NHSL1: variants seen among roughly 807,000 people sequenced by gnomAD.
The protein encoded by NHSL1 is NHS-like protein 1.
NHSL1 carries 48 observed loss-of-function variants against 95.0 expected under a neutral mutation model. The observed-to-expected ratio is 0.51, with a 90% CI of 0.40 to 0.64. The LOEUF (loss-of-function observed/expected upper bound fraction) is 0.64. Ranked by LOEUF, NHSL1 falls within the 30% of genes least tolerant of loss-of-function variation. The pLI, the probability that NHSL1 is intolerant of heterozygous loss-of-function variation, is 0.00. For missense variants in NHSL1, 1,971 were observed against 2,077.7 expected (o/e 0.95, Z 1.00); for synonymous variants, 783 against 833.9 (o/e 0.94, Z 1.05).
At chr6:138,665,506 T>C (rs1165315259) in intron 1 of NHSL1, among the ~76,000 whole-genome samples, 1 of 152,162 alleles carries the variant, frequency 6.6e-6, no homozygotes, top group Admixed American at 6.5e-5. Flanking sequence ...AGCCTGTCCT[T>C]TGCACTTTAC....
intron 1 of NHSL1, among the ~76,000 whole-genome samples, chr6:138,586,064 C>T (rs1784130827): frequency 6.6e-6 from 1 of 150,974 alleles, no homozygotes; most frequent in African/African-American, 2.4e-5. Context: ...AAAACAAAAA[C>T]AAATAAATAA....
chr6:138,553,394 G>T (rs1437779320), intron 1 of NHSL1, among the ~76,000 whole-genome samples: 1 of 152,126 alleles, frequency 6.6e-6, no homozygotes, highest in Non-Finnish European at 1.5e-5. Context: ...CTTGCACCAT[G>T]TCCCATGGCA....
At chr6:138,651,564 T>C (rs1190193672) in intron 1 of NHSL1, among the ~76,000 whole-genome samples, 1 of 152,226 alleles carries the variant, frequency 6.6e-6, no homozygotes, top group East Asian at 1.9e-4. Flanking sequence ...GCAGCTTCTT[T>C]AGACGGAAGG....
chr6:138,522,752 A>G (rs1384870369), intron 1 of NHSL1, among the ~76,000 whole-genome samples: 1 of 152,198 alleles, frequency 6.6e-6, no homozygotes, highest in Admixed American at 6.5e-5. Context: ...CTGAGGCTGC[A>G]GTGAGCCGTG....
At chr6:138,670,437 C>A (rs1583474045) in intron 1 of NHSL1, among the ~76,000 whole-genome samples, 1 of 150,776 alleles carries the variant, frequency 6.6e-6, no homozygotes, top group African/African-American at 2.4e-5. Flanking sequence ...GAGGCCGAGG[C>A]GGGCGGATCA....
chr6:138,462,801 G>A (rs1353108687), intron 3 of NHSL1, among the ~76,000 whole-genome samples: 1 of 152,178 alleles, frequency 6.6e-6, no homozygotes, highest in Non-Finnish European at 1.5e-5. Context: ...TGCAAAGCAG[G>A]GAAAAGGTGG....
intron 2 of NHSL1, among the ~76,000 whole-genome samples, chr6:138,489,418 T>C (rs1228717795): frequency 6.6e-6 from 1 of 151,902 alleles, no homozygotes; most frequent in African/African-American, 2.4e-5. Context: ...AAAGTCAGGA[T>C]TGGAATTTAG....
At chr6:138,562,955 G>A (rs1392551683) in intron 1 of NHSL1, among the ~76,000 whole-genome samples, 1 of 152,178 alleles carries the variant, frequency 6.6e-6, no homozygotes, top group Non-Finnish European at 1.5e-5. Flanking sequence ...TCTAGGAGAA[G>A]TATGAAGTGC....
intron 3 of NHSL1, among the ~76,000 whole-genome samples, chr6:138,463,222 A>G (rs1300313851): frequency 1.3e-5 from 2 of 152,036 alleles, no homozygotes; most frequent in Non-Finnish European, 2.9e-5. Context: ...TCCACTCTCT[A>G]TGGTCTAATT....
intron 3 of NHSL1, among the ~76,000 whole-genome samples, chr6:138,451,863 T>C (rs537312729): frequency 6.6e-6 from 1 of 152,158 alleles, no homozygotes; most frequent in Non-Finnish European, 1.5e-5. Context: ...TAAATAAGAA[T>C]GAAACCTTTT....
chr6:138,641,607 A>G (rs1309925772), intron 1 of NHSL1, among the ~76,000 whole-genome samples: 2 of 133,356 alleles, frequency 1.5e-5, no homozygotes, highest in Admixed American at 1.7e-4. Flanking sequence ...TGGGTGACAG[A>G]GTGAGACTCC....
intron 1 of NHSL1, among the ~76,000 whole-genome samples, chr6:138,655,171 T>C (rs1785141008): frequency 6.6e-6 from 1 of 151,698 alleles, no homozygotes; most frequent in Non-Finnish European, 1.5e-5. Context: ...TAAAGTCCCT[T>C]TTCCTTCCTC....
intron 1 of NHSL1, among the ~76,000 whole-genome samples, chr6:138,508,024 T>C (rs1414007691): frequency 2.0e-5 from 3 of 152,234 alleles, no homozygotes; most frequent in Non-Finnish European, 4.4e-5. Flanking sequence ...CTGTAGATCC[T>C]AGTTAATAAT....
At chr6:138,637,031 C>T (rs1170999165) in intron 1 of NHSL1, among the ~76,000 whole-genome samples, 1 of 152,020 alleles carries the variant, frequency 6.6e-6, no homozygotes, top group East Asian at 1.9e-4. Flanking sequence ...GTAATCAAAA[C>T]AGCACAGTTT....
chr6:138,495,507 T>C (rs984165508), intron 2 of NHSL1, among the ~76,000 whole-genome samples: 3 of 152,102 alleles, frequency 2.0e-5, no homozygotes, highest in African/African-American at 4.8e-5. Flanking sequence ...AAAAAACAAA[T>C]TGGTTTTGAA....
intron 1 of NHSL1, among the ~76,000 whole-genome samples, chr6:138,624,359 A>G (rs1262573184): frequency 6.6e-6 from 1 of 152,190 alleles, no homozygotes; most frequent in Non-Finnish European, 1.5e-5. Flanking sequence ...TGAAAGCACC[A>G]AGAATCAGAG....
intron 1 of NHSL1, among the ~76,000 whole-genome samples, chr6:138,528,424 T>C (rs1782000903): frequency 6.6e-6 from 1 of 152,178 alleles, no homozygotes; most frequent in Admixed American, 6.5e-5. Context: ...AGTGACGATT[T>C]ACCTGCCAAC....
intron 1 of NHSL1, among the ~76,000 whole-genome samples, chr6:138,679,155 C>T (rs1385220499): frequency 1.3e-5 from 2 of 152,248 alleles, no homozygotes; most frequent in Non-Finnish European, 2.9e-5. Flanking sequence ...AAAATCTTGT[C>T]GAACTAAATC....
intron 2 of NHSL1, among the ~76,000 whole-genome samples, chr6:138,483,029 A>G (rs1019612379): frequency 4.6e-5 from 7 of 152,244 alleles, no homozygotes; most frequent in South Asian, 2.1e-4. Flanking sequence ...CAAGTCCTCA[A>G]TCAATGCTGA....
Sources: gnomAD v4.1 joint callset for allele counts (sites outside exome capture counted in the v4.1 genomes callset) on GRCh38, gnomAD v4.1.1 for gene constraint, MANE v1.5 for transcripts, NCBI Gene and HGNC (gene_info 2026-07-23, HGNC 2026-07-21) for gene names.